Variants in VAV2 observed in about 807,000 individuals in gnomAD.
The protein encoded by VAV2 is guanine nucleotide exchange factor VAV2.
Under a neutral mutation model 132.5 loss-of-function variants are expected in VAV2, and 67 were observed. The observed-to-expected ratio is 0.51, with a 90% CI of 0.42 to 0.62. VAV2 has a LOEUF of 0.62. Ranked by LOEUF, VAV2 falls within the 20% of genes least tolerant of loss-of-function variation. The pLI, the probability that VAV2 is intolerant of heterozygous loss-of-function variation, is 0.00. For missense variants in VAV2, 938 were observed against 1,153.6 expected (o/e 0.81, Z 2.71); for synonymous variants, 492 against 443.5 (o/e 1.11, Z -1.37).
chr9:133,849,549 C>T (rs1337803752), intron 3 of VAV2, among the ~76,000 whole-genome samples: 1 of 152,228 alleles, frequency 6.6e-6, no homozygotes, highest in East Asian at 1.9e-4. Context: ...TGTTTGTGTC[C>T]TGGGGCTGCG....
intron 21 of VAV2, among the ~76,000 whole-genome samples, 195 bp from the exon 22 acceptor site, chr9:133,779,084 T>C (rs1208183399): frequency 2.6e-5 from 4 of 152,256 alleles, no homozygotes; most frequent in Admixed American, 2.6e-4. Flanking sequence ...ATTTATGCAA[T>C]AGACAGATTC....
intron 1 of VAV2, among the ~76,000 whole-genome samples, chr9:133,964,394 A>G (rs867193120): frequency 1.2e-4 from 18 of 151,992 alleles, no homozygotes; most frequent in Admixed American, 2.6e-4. Context: ...ACACAAATAT[A>G]TGTATTTACA....
intron 1 of VAV2, among the ~76,000 whole-genome samples, chr9:133,971,596 C>T (rs553925668): frequency 6.6e-5 from 10 of 152,202 alleles, no homozygotes; most frequent in Non-Finnish European, 1.5e-4. Flanking sequence ...GCCCAGGCCA[C>T]CCATTTCATA....
At chr9:133,866,393 AG>A (rs971685213) in intron 2 of VAV2, among the ~76,000 whole-genome samples, 134 of 152,328 alleles carry the variant, frequency 8.8e-4, no homozygotes, top group Middle Eastern at 6.8e-3. Context: ...GGAACTCACA[AG>A]AACCTCCAAG....
chr9:133,814,248 C>T (rs767871928), intron 4 of VAV2, among the ~76,000 whole-genome samples: 1 of 152,238 alleles, frequency 6.6e-6, no homozygotes, highest in Non-Finnish European at 1.5e-5. Context: ...CTGCCACCAG[C>T]GATGACACAA....
rs1838390168 is a variant in VAV2 at position 133,879,225 on chromosome 9, T to G, written c.322-17793A>C. 3.3e-5 allele frequency among the ~76,000 whole-genome samples: 5 copies of G among 152,278 alleles called. No individual in the cohort carries two copies. The South Asian group carries it at 1.0e-3, about 32-fold the overall frequency. ...AGGCCCTCTGGGGGCTCTTGCTTCC[T>G]CACTCAGGTGTGCAATACACTTTGA... On this transcript the variant is annotated intron_variant, in intron 2 of 29. Transcript: ENST00000371850. The surrounding 1 kb of genome is among the most constrained non-coding windows in gnomAD (Gnocchi z 4.4).
At chr9:133,842,098 A>G (rs981358567) in intron 3 of VAV2, among the ~76,000 whole-genome samples, 1 of 152,230 alleles carries the variant, frequency 6.6e-6, no homozygotes, top group Non-Finnish European at 1.5e-5. Flanking sequence ...TGACGATTGC[A>G]GAAGGTACAG....
At chr9:133,973,833 C>A (rs1023697467) in intron 1 of VAV2, among the ~76,000 whole-genome samples, 1 of 152,156 alleles carries the variant, frequency 6.6e-6, no homozygotes, top group African/African-American at 2.4e-5. Flanking sequence ...AATGCAGGGC[C>A]CCCCCAGGCC....
chr9:133,988,834 G>A (rs1289518708), intron 1 of VAV2, among the ~76,000 whole-genome samples: 1 of 152,036 alleles, frequency 6.6e-6, no homozygotes, highest in Admixed American at 6.6e-5. Flanking sequence ...TTGGGAGGCC[G>A]AGGCGGGCAG....
intron 1 of VAV2, among the ~76,000 whole-genome samples, chr9:133,943,453 C>T (rs1841244744): frequency 6.6e-6 from 1 of 152,250 alleles, no homozygotes; most frequent in Non-Finnish European, 1.5e-5. Flanking sequence ...CCTGTGGCTG[C>T]AGGAGCAAGC....
chr9:133,911,933 T>A (rs189115970), intron 2 of VAV2, among the ~76,000 whole-genome samples: 289 of 152,332 alleles, frequency 1.9e-3, no homozygotes, highest in Non-Finnish European at 3.0e-3. Flanking sequence ...TCTTTTTTTT[T>A]ATTTCCAACT....
rs755751097 is a variant in VAV2, at chr9:133,884,432, C to A, written c.322-23000G>T. ...AGTGGGCTGGCTGCCCTTCTCAACGCCCGCCACACTTTGTCAATTAATTAG... is the reference window on the plus strand; with the variant it reads ...AGTGGGCTGGCTGCCCTTCTCAACGACCGCCACACTTTGTCAATTAATTAG... On this transcript the variant is annotated intron_variant, in intron 2 of 29. Transcript: ENST00000371850. This position sits in a 1 kb window ranked among gnomAD's most constrained non-coding sequence, Gnocchi z 5.3. Among the ~76,000 whole-genome samples the A allele has an allele frequency of 3.1e-4, 47 of 152,158 alleles. No homozygotes were observed. Among genetic ancestry groups the A allele is most frequent in the Non-Finnish European group, 5.6e-4 (38 of 68,016 alleles).
chr9:133,818,026 C>T (rs12342452), intron 4 of VAV2, among the ~76,000 whole-genome samples: 27,783 of 151,986 alleles, frequency 0.18, 2,897 homozygotes, highest in African/African-American at 0.27. Context: ...CTCACCAGTG[C>T]GGACAGGTGT....
rs1837418040 is a variant in VAV2 at position 133,857,207 on chromosome 9, C to T, written c.380+4167G>A. 6.6e-6 allele frequency among the ~76,000 whole-genome samples: 1 copy of T among 152,190 alleles called. No individual in the cohort carries two copies. Among genetic ancestry groups the T allele is most frequent in the African/African-American group, 2.4e-5 (1 of 41,444 alleles). On this transcript the variant is annotated intron_variant, in intron 3 of 29. Transcript: ENST00000371850. The surrounding 1 kb of genome is among the most constrained non-coding windows in gnomAD (Gnocchi z 4.0). ...GTGATGACCCCAAATTAGGGCACCCCCAATCTGGAGGGCTAGCTCTGGCCA... is the reference window on the plus strand; with the variant it reads ...GTGATGACCCCAAATTAGGGCACCCTCAATCTGGAGGGCTAGCTCTGGCCA...
intron 3 of VAV2, among the ~76,000 whole-genome samples, chr9:133,848,121 C>CA (rs897061031): frequency 1.7e-4 from 25 of 150,420 alleles, no homozygotes; most frequent in African/African-American, 4.1e-4. Context: ...ACTAAAAATA[C>CA]AAAAAAAAAT....
At chr9:133,803,432 A>AC (rs143850406) in intron 9 of VAV2, among the ~76,000 whole-genome samples, 17,190 of 143,928 alleles carry the variant, frequency 0.12, 1,165 homozygotes, top group South Asian at 0.16. Context: ...CAAGGAAGCC[A>AC]CCAGGAGCTG....
At chr9:133,861,237 C>T (rs576875359) in intron 3 of VAV2, 137 bp downstream of exon 3, 13 of 997,610 alleles carry the variant, frequency 1.3e-5, no homozygotes, top group Non-Finnish European at 1.8e-5. Context: ...ACGGGTTACG[C>T]GACAACACGC....
rs10710216 is a variant in VAV2 at position 133,810,054 on chromosome 9, CT to C, written c.567+136del. The C allele has an allele frequency of 7.3e-3, 9,422 of 1,288,464 alleles. 534 individuals carry two copies. In the African/African-American group the frequency reaches 0.12, roughly 17 times the overall value. 79.8% of individuals were successfully genotyped at this position (1,288,464 alleles called of 1,614,324 possible). A position where few individuals can be genotyped will look rare whatever the true frequency, so the allele number is the denominator to read the frequency against. On this transcript the variant is annotated intron_variant, in intron 6 of 29. Coordinates refer to ENST00000371850, the MANE Select transcript of VAV2 (RefSeq NM_001134398.2). Reference sequence around the variant, plus strand: ...CGGGGGTGCCGAGGGTCTCTGATGCCTGAAGTCATGTGTGCCTGACCATGTC... The same window carrying C: ...CGGGGGTGCCGAGGGTCTCTGATGCCGAAGTCATGTGTGCCTGACCATGTC...
At chr9:133,848,317 A>G (rs545463158) in intron 3 of VAV2, among the ~76,000 whole-genome samples, 7 of 151,542 alleles carry the variant, frequency 4.6e-5, no homozygotes, top group Non-Finnish European at 1.0e-4. Context: ...CAAAGCAATG[A>G]AGATGAAACG....
Sources: gnomAD v4.1 joint callset for allele counts (sites outside exome capture counted in the v4.1 genomes callset) on GRCh38, gnomAD v4.1.1 for gene constraint, Gnocchi (gnomAD v3.1) non-coding constraint, MANE v1.5 for transcripts, NCBI Gene and HGNC (gene_info 2026-07-23, HGNC 2026-07-21) for gene names.